DCLRE1C: variants seen among roughly 807,000 people sequenced by gnomAD.
DCLRE1C encodes the protein DNA cross-link repair 1C.
In DCLRE1C, 47 loss-of-function variants were observed where a neutral mutation model predicts 61.4. That is an observed-to-expected ratio of 0.77 (90% CI 0.61 to 0.98). The LOEUF is 0.98. Ranked by LOEUF, DCLRE1C falls within the 50% of genes least tolerant of loss-of-function variation. The pLI is 0.00. For synonymous variants in DCLRE1C, 337 were observed against 287.6 expected, an observed-to-expected ratio of 1.17 and a Z score of -1.74; for missense variants, 858 against 816.0, an observed-to-expected ratio of 1.05 and a Z score of -0.63.
Position 14,939,874 on chromosome 10 carries a change from A to C in DCLRE1C, c.247-5T>G, listed in dbSNP as rs1462544841. The C allele has an allele frequency of 1.3e-5, 21 of 1,588,492 alleles. No homozygotes were observed. Among genetic ancestry groups the C allele is most frequent in the African/African-American group, 2.7e-5 (2 of 74,324 alleles). ...AGTCTCGATTTCAATAGATATCTAT[A>C]AAAATAAAATAAGAGACCATGTATA... On this transcript the variant is annotated splice_region_variant and splice_polypyrimidine_tract_variant and intron_variant, in intron 3 of 13. Coordinates refer to ENST00000378278, the MANE Select transcript of DCLRE1C (RefSeq NM_001033855.3).
downstream of DCLRE1C, among the ~76,000 whole-genome samples, chr10:14,900,906 G>A (rs1341964367): frequency 1.3e-5 from 2 of 152,140 alleles, no homozygotes; most frequent in South Asian, 2.1e-4. Flanking sequence ...GCTGTATAGT[G>A]GATACATAGG....
intron 5 of DCLRE1C, among the ~76,000 whole-genome samples, chr10:14,935,982 C>T (rs1342352693): frequency 3.3e-5 from 5 of 152,214 alleles, no homozygotes; most frequent in Non-Finnish European, 7.4e-5. Context: ...AATCTTGGCT[C>T]ACTGCAACTT....
chr10:14,926,851 A>G lies in DCLRE1C; in HGVS notation c.964T>C (p.Tyr322His), dbSNP rs1453487395. The change falls in exon 11 of 14, where the codon TAC becomes CAC. Residue 322 changes from tyrosine to histidine, a missense_variant. By Grantham distance (83) the Tyr-to-His change is moderately conservative (BLOSUM62 2). Transcript: ENST00000378278. ...ATATGGGATCCTCTTACCTCACTGT[A>G]GGAGGAGTGAAAAGAAAAACAAGCT... ...YRACFSFHSS[Y>H]SEIKDFLSYL... The G allele has an allele frequency of 6.2e-7, 1 of 1,612,982 alleles. No individual in the cohort carries two copies. The highest frequency in any genetic ancestry group is 8.5e-7 in the Non-Finnish European group (1 of 1,179,018).
At chr10:14,932,655 CTG>C (rs1174912595) in intron 9 of DCLRE1C, among the ~76,000 whole-genome samples, 197 bp downstream of exon 9, 4 of 152,012 alleles carry the variant, frequency 2.6e-5, no homozygotes, top group Non-Finnish European at 5.9e-5. Context: ...AAGTACAGAT[CTG>C]TGTCTATTTA....
rs1839266310 is a variant in DCLRE1C, at chr10:14,932,899, G to A, written c.735C>T (p.Leu245=). 6.8e-6 allele frequency: 11 copies of A among 1,614,202 alleles called. No homozygotes were observed. The highest frequency in any genetic ancestry group is 9.3e-6 in the Non-Finnish European group (11 of 1,180,040). The change falls in exon 9 of 14, where the codon CTC becomes CTT. Residue 245 remains leucine (L), a synonymous_variant. Coordinates refer to ENST00000378278, the MANE Select transcript of DCLRE1C (RefSeq NM_001033855.3). ...GGATCTGAGTGTTGCGGTCTGTTGT[G>A]AGATGATGAAGGATCTCAGGCATGT... is the stretch of plus-strand genomic sequence containing the variant. ...FRNMPEILHH[L]TTDRNTQIHA... is the part of the protein sequence containing the mutation.
downstream of DCLRE1C, among the ~76,000 whole-genome samples, chr10:14,900,201 T>C (rs1488007347): frequency 6.6e-6 from 1 of 152,262 alleles, no homozygotes; most frequent in African/African-American, 2.4e-5. Flanking sequence ...TTTTAATGTC[T>C]GAAAGCTCTT....
intron 13 of DCLRE1C, among the ~76,000 whole-genome samples, chr10:14,916,514 A>G (rs1236617556): frequency 1.3e-5 from 2 of 152,232 alleles, no homozygotes. Flanking sequence ...AAGAGGTTCA[A>G]CCATTAAATG....
intron 3 of DCLRE1C, chr10:14,942,458 C>G (rs1274548114): frequency 2.0e-5 from 3 of 152,292 alleles, no homozygotes; most frequent in Non-Finnish European, 4.4e-5. Context: ...GACAAATCCC[C>G]TTCTCAATCA....
chr10:14,929,672 T>C (rs930426038), intron 9 of DCLRE1C, among the ~76,000 whole-genome samples: 2 of 149,846 alleles, frequency 1.3e-5, no homozygotes, highest in African/African-American at 5.0e-5. Flanking sequence ...TAAAAAGTTT[T>C]CAAAATAAAT....
chr10:14,943,026 G>A (rs1321256151), intron 3 of DCLRE1C, among the ~76,000 whole-genome samples: 3 of 152,172 alleles, frequency 2.0e-5, no homozygotes, highest in African/African-American at 4.8e-5. Flanking sequence ...CTAGGGAGGC[G>A]GAGGCAGGGA....
chr10:14,950,108 A>G (rs1177091883), intron 1 of DCLRE1C, among the ~76,000 whole-genome samples: 1 of 152,130 alleles, frequency 6.6e-6, no homozygotes. Flanking sequence ...TGGGAGGCCG[A>G]GGCAGGCGGA....
chr10:14,923,296 C>CAGTA (rs1837428415), intron 11 of DCLRE1C: 1 of 511,500 alleles, frequency 2.0e-6, no homozygotes, highest in Admixed American at 3.2e-5. Flanking sequence ...GCCTAGAAAT[C>CAGTA]AGTACATTTA....
In DCLRE1C at chr10:14,934,464, C is replaced by G. The variant is rs138120763; in HGVS notation, c.594G>C (p.Pro198=). The G allele has an allele frequency of 6.2e-6, 10 of 1,614,054 alleles. No homozygotes were observed. The East Asian group carries it at 6.7e-5, about 11-fold the overall frequency. The change falls in exon 8 of 14, where the codon CCG becomes CCC. Residue 198 remains proline (P), a synonymous_variant. Coordinates refer to ENST00000378278, the MANE Select transcript of DCLRE1C (RefSeq NM_001033855.3). The part of the protein sequence containing the change: ...ELVRSWITRS[P]YHVVWLNCKA... Reference sequence around the variant, plus strand: ...TGCAGTTCAGCCACACAACATGGTACGGGCTCCGAGTGATCCAGCTTCGGA... The same window carrying G: ...TGCAGTTCAGCCACACAACATGGTAGGGGCTCCGAGTGATCCAGCTTCGGA...
chr10:14,953,789 C>G, intron 1 of DCLRE1C, 113 bp downstream of exon 1: 2 of 1,481,800 alleles, frequency 1.3e-6, no homozygotes, highest in Non-Finnish European at 9.2e-7. Context: ...GTGCTGGCCG[C>G]CCCCTCGCTG....
rs190611493 is a variant in DCLRE1C, at chr10:14,933,567, G to A, written c.679-612C>T. On this transcript the variant is annotated intron_variant, in intron 8 of 13. Transcript: ENST00000378278. ...CAAGAGAATCACTTGAACCCAGGAG[G>A]CAGAGGTTGCAGTGAACTGAGACCG... Among the ~76,000 whole-genome samples the A allele has an allele frequency of 1.6e-4, 24 of 152,118 alleles. No homozygotes were observed. In the East Asian group the frequency reaches 4.3e-3, roughly 27 times the overall value.
intron 9 of DCLRE1C, among the ~76,000 whole-genome samples, chr10:14,929,259 C>T (rs1276679525): frequency 6.6e-6 from 1 of 152,036 alleles, no homozygotes; most frequent in African/African-American, 2.4e-5. Context: ...ACAAAACTAG[C>T]CAGGCATGGT....
intron 5 of DCLRE1C, 150 bp downstream of exon 5, chr10:14,936,388 T>A (rs1839925949): frequency 4.4e-6 from 2 of 451,604 alleles, no homozygotes; most frequent in Non-Finnish European, 8.3e-6. Flanking sequence ...GCTCAAGCAA[T>A]CCTCCCGCGT....
chr10:14,948,792 C>A (rs1019571624), intron 2 of DCLRE1C, among the ~76,000 whole-genome samples: 6 of 140,066 alleles, frequency 4.3e-5, no homozygotes, highest in African/African-American at 1.8e-4. Flanking sequence ...ATATATATAT[C>A]AAGTTCACAA....
At chr10:14,932,452 A>G (rs41297964) in intron 9 of DCLRE1C, among the ~76,000 whole-genome samples, 200 of 152,150 alleles carry the variant, frequency 1.3e-3, no homozygotes, top group Non-Finnish European at 2.3e-3. Context: ...CCTGGCTAAC[A>G]TGGCTAACCT....
Sources: gnomAD v4.1 joint callset for allele counts (sites outside exome capture counted in the v4.1 genomes callset) on GRCh38, gnomAD v4.1.1 for gene constraint, MANE v1.5 for transcripts, NCBI Gene and HGNC (gene_info 2026-07-23, HGNC 2026-07-21) for gene names.